The following DIP2C variants were observed in gnomAD, a reference collection of about 807,000 sequenced individuals.
The protein encoded by DIP2C is DIP2 acetate--CoA ligase C (putative).
A neutral mutation model predicts 192.4 loss-of-function variants in DIP2C; 33 were observed. That is an observed-to-expected ratio of 0.17 (90% CI 0.13 to 0.23). The LOEUF (loss-of-function observed/expected upper bound fraction) is 0.23. Ranked by LOEUF, DIP2C falls within the 10% of genes least tolerant of loss-of-function variation. DIP2C has a pLI of 1.00. For synonymous variants in DIP2C, 979 were observed against 864.1 expected, an observed-to-expected ratio of 1.13 and a Z score of -2.33; for missense variants, 1,537 against 2,110.1, an observed-to-expected ratio of 0.73 and a Z score of 5.32.
chr10:288,327 G>A (rs201342571), intron 33 of DIP2C, 37 bp downstream of exon 33: 96 of 1,594,572 alleles, frequency 6.0e-5, no homozygotes, highest in South Asian at 2.9e-4. Flanking sequence ...AGAAGCGAAC[G>A]GATACAGAAA....
chr10:549,400 C>A (rs866117275), intron 1 of DIP2C, among the ~76,000 whole-genome samples: 2 of 152,144 alleles, frequency 1.3e-5, no homozygotes, highest in African/African-American at 4.8e-5. Context: ...GAAGATACAA[C>A]GCGTCCACAC....
chr10:672,391 G>C (rs1229673266), intron 1 of DIP2C, among the ~76,000 whole-genome samples: 1 of 152,256 alleles, frequency 6.6e-6, no homozygotes, highest in Non-Finnish European at 1.5e-5. Context: ...GAACGTCCCG[G>C]CCATGCACTG....
chr10:447,155 C>A (rs142325602), intron 3 of DIP2C, among the ~76,000 whole-genome samples: 2,325 of 151,806 alleles, frequency 0.015, 58 homozygotes, highest in African/African-American at 0.053. Flanking sequence ...AGTGGGGCAG[C>A]AGGACCCACT....
intron 32 of DIP2C, among the ~76,000 whole-genome samples, chr10:303,517 T>A (rs1956155811): frequency 6.6e-6 from 1 of 151,450 alleles, no homozygotes; most frequent in Non-Finnish European, 1.5e-5. Context: ...TTAAAAGTTT[T>A]TTACTTTTTT....
At chr10:645,775 G>C (rs907093904) in intron 1 of DIP2C, among the ~76,000 whole-genome samples, 3 of 152,108 alleles carry the variant, frequency 2.0e-5, no homozygotes, top group Non-Finnish European at 4.4e-5. Context: ...GAATGGGGGG[G>C]GCTATTTTGC....
chr10:417,660 T>G (rs11252303), intron 6 of DIP2C, among the ~76,000 whole-genome samples: 3,454 of 11,620 alleles, frequency 0.3, 293 homozygotes, highest in East Asian at 0.38. Context: ...GTCCACCTGT[T>G]CCTGTCAGGG....
chr10:414,198 T>A, intron 7 of DIP2C, 88 bp from the exon 8 acceptor site: 1 of 1,418,640 alleles, frequency 7.0e-7, no homozygotes, highest in Non-Finnish European at 9.5e-7. Flanking sequence ...AGCCAAGAGA[T>A]TTATACTTAA....
At chr10:667,697 C>G (rs1857180816) in intron 1 of DIP2C, 3 of 151,206 alleles carry the variant, frequency 2.0e-5, no homozygotes. Context: ...TACACACATA[C>G]AGCACACGTA....
intron 1 of DIP2C, among the ~76,000 whole-genome samples, chr10:609,041 A>T (rs1371788538): frequency 6.6e-6 from 1 of 152,094 alleles, no homozygotes; most frequent in Non-Finnish European, 1.5e-5. Context: ...TCACTTTACC[A>T]GTATAGTCAT....
intron 1 of DIP2C, among the ~76,000 whole-genome samples, chr10:609,015 A>T (rs1468507994): frequency 6.6e-6 from 1 of 152,022 alleles, no homozygotes; most frequent in African/African-American, 2.4e-5. Flanking sequence ...AAAACCCTAT[A>T]AGCATGATTT....
intron 1 of DIP2C, among the ~76,000 whole-genome samples, chr10:604,481 C>G (rs1183038742): frequency 6.6e-6 from 1 of 152,160 alleles, no homozygotes; most frequent in Admixed American, 6.5e-5. Context: ...ATAAGACTTT[C>G]AAAAAAGCAA....
chr10:321,205 T>C (rs1956991649), intron 31 of DIP2C, among the ~76,000 whole-genome samples: 1 of 152,250 alleles, frequency 6.6e-6, no homozygotes, highest in Non-Finnish European at 1.5e-5. Context: ...TAAAAAGTGC[T>C]TGTCCAGGCG....
At chr10:665,681 A>C (rs948012559) in intron 1 of DIP2C, 1 of 152,330 alleles carries the variant, frequency 6.6e-6, no homozygotes, top group Non-Finnish European at 1.5e-5. Context: ...ACCAAACGCT[A>C]CGCGAAACCA....
chr10:447,811 G>A lies in DIP2C; in HGVS notation c.269-6815C>T, dbSNP rs12774993. On this transcript the variant is annotated intron_variant, in intron 3 of 36. Transcript: ENST00000280886. Reference sequence around the variant, plus strand: ...CACACACAGTGGGGCAGCAGGACCCGCTCACTCCCGTCGATACTCAGGATC... The same window carrying A: ...CACACACAGTGGGGCAGCAGGACCCACTCACTCCCGTCGATACTCAGGATC... Among the ~76,000 whole-genome samples, 88 of 78,256 alleles carry A rather than the reference G, an allele frequency of 1.1e-3. 3 individuals are homozygous for A. Among genetic ancestry groups the A allele is most frequent in the African/African-American group, 3.1e-3 (34 of 10,870 alleles). The allele number at this position is 78,256 out of a possible 152,430, so 51.3% of individuals were successfully genotyped here.
intron 22 of DIP2C, among the ~76,000 whole-genome samples, chr10:360,528 G>A (rs541667307): frequency 6.6e-6 from 1 of 152,340 alleles, no homozygotes; most frequent in East Asian, 1.9e-4. Context: ...TCAGGGCACA[G>A]GGCGGGAGTT....
At chr10:412,718 T>A (rs76737402) in intron 8 of DIP2C, among the ~76,000 whole-genome samples, 1 of 152,300 alleles carries the variant, frequency 6.6e-6, no homozygotes, top group South Asian at 2.1e-4. Context: ...CGGTTCAACA[T>A]AGCATCTGGC....
chr10:393,533 T>C (rs1382278907), intron 10 of DIP2C, among the ~76,000 whole-genome samples: 2 of 152,078 alleles, frequency 1.3e-5, no homozygotes, highest in South Asian at 2.1e-4. Flanking sequence ...ATCCCAGCAC[T>C]TTGGGTGGCC....
chr10:453,410 C>A (rs1163439125), intron 3 of DIP2C, among the ~76,000 whole-genome samples: 1 of 152,336 alleles, frequency 6.6e-6, no homozygotes, highest in African/African-American at 2.4e-5. Context: ...GCTGGTCATG[C>A]TGGACATACA....
At chr10:540,355 G>A (rs1004097398) in intron 1 of DIP2C, among the ~76,000 whole-genome samples, 7 of 152,224 alleles carry the variant, frequency 4.6e-5, no homozygotes, top group African/African-American at 9.7e-5. Context: ...CCGTCACAGG[G>A]GGAAAGCTGC....
Sources: allele counts gnomAD v4.1 joint callset (sites outside exome capture counted in the v4.1 genomes callset), GRCh38; gene constraint gnomAD v4.1.1; transcripts MANE v1.5; gene names NCBI Gene and HGNC (gene_info 2026-07-23, HGNC 2026-07-21).